SAMHD1: variants seen among roughly 807,000 people sequenced by gnomAD.
The protein encoded by SAMHD1 is deoxynucleoside triphosphate triphosphohydrolase SAMHD1.
SAMHD1 carries 54 observed loss-of-function variants against 79.6 expected under a neutral mutation model. The ratio of observed to expected loss-of-function variants is 0.68; its 90% CI spans 0.55 to 0.85. SAMHD1 has a LOEUF of 0.85. Among genes scored for constraint, SAMHD1 ranks in the 40% least tolerant of loss-of-function variants. SAMHD1 has a pLI of 0.00. For synonymous variants in SAMHD1, 260 were observed against 264.1 expected, an observed-to-expected ratio of 0.98 and a Z score of 0.15; for missense variants, 663 against 782.7, an observed-to-expected ratio of 0.85 and a Z score of 1.82.
intron 12 of SAMHD1, 147 bp from the exon 13 acceptor site, chr20:36,904,396 G>A (rs1187778384): frequency 1.3e-5 from 9 of 686,570 alleles, no homozygotes; most frequent in Non-Finnish European, 1.9e-5. Context: ...AATGTCACTC[G>A]TTAAACAAAG....
chr20:36,902,267 C>T (rs767043420), intron 13 of SAMHD1, among the ~76,000 whole-genome samples: 10 of 151,720 alleles, frequency 6.6e-5, no homozygotes, highest in Admixed American at 2.0e-4. Context: ...CTGCAACCTC[C>T]GCCTCCCAGG....
chr20:36,946,734 T>C lies in SAMHD1; in HGVS notation c.275+4A>G. On this transcript the variant is annotated splice_donor_region_variant and intron_variant, in intron 2 of 15. Transcript: ENST00000646673. The stretch of plus-strand genomic sequence containing the variant: ...ATAACGTGAATTTATTTCTTCATTC[T>C]TACCTTACTCCAAGATTTTCAAAAC... 1 of 1,608,358 alleles carries C rather than the reference T, an allele frequency of 6.2e-7. No individual in the cohort carries two copies. Among genetic ancestry groups the C allele is most frequent in the South Asian group, 1.1e-5 (1 of 90,634 alleles).
rs934579057 is a variant in SAMHD1 at position 36,892,577 on chromosome 20, G to A, written c.*355C>T. 2.2e-5 allele frequency: 7 copies of A among 315,964 alleles called. No homozygotes were observed. Among genetic ancestry groups the A allele is most frequent in the Non-Finnish European group, 3.6e-5 (6 of 165,362 alleles). 19.6% of individuals were successfully genotyped at this position (315,964 alleles called of 1,614,324 possible). A position where few individuals can be genotyped will look rare whatever the true frequency, so the allele number is the denominator to read the frequency against. On this transcript the variant is annotated 3_prime_UTR_variant, in exon 16 of 16. Transcript: ENST00000646673. ...GGGCTGAGGCAGGAGGGTCGCTTGA[G>A]CCCAGGAAAGTTCGAGTCCAAGCTG...
At chr20:36,906,878 A>G (rs996907432) in intron 11 of SAMHD1, among the ~76,000 whole-genome samples, 2 of 150,648 alleles carry the variant, frequency 1.3e-5, no homozygotes, top group African/African-American at 4.9e-5. Flanking sequence ...TGCAACCTCT[A>G]CCTCCTAGGT....
At position 36,905,420 on chromosome 20, in the gene SAMHD1, T is replaced by A; in HGVS notation, c.1354A>T (p.Asn452Tyr). The change falls in exon 12 of 16, where the codon AAT (asparagine) becomes TAT (tyrosine). Residue 452 changes from asparagine to tyrosine, a missense_variant. Physicochemically the swap from Asn to Tyr is moderately radical, Grantham distance 143 (BLOSUM62 -2). Coordinates refer to ENST00000646673, the MANE Select transcript of SAMHD1 (RefSeq NM_015474.4). Reference sequence around the variant, plus strand: ...GTCTCACCCACATACTTGAATAGATTACGGTATTCAATTTGTTTTAAAATC... The same window carrying A: ...GTCTCACCCACATACTTGAATAGATAACGGTATTCAATTTGTTTTAAAATC... ...REILKQIEYR[N>Y]LFKYVGETQP... The A allele has an allele frequency of 6.2e-7, 1 of 1,613,948 alleles. No individual in the cohort carries two copies. The highest frequency in any genetic ancestry group is 8.5e-7 in the Non-Finnish European group (1 of 1,179,854).
rs567528233 is a variant in SAMHD1 at position 36,910,318 on chromosome 20, A to G, written c.1270+900T>C. Among the ~76,000 whole-genome samples, 211 of 151,936 alleles carry G rather than the reference A, an allele frequency of 1.4e-3. 1 individual carries two copies. Among genetic ancestry groups the G allele is most frequent in the Non-Finnish European group, 2.3e-3 (157 of 67,962 alleles). On this transcript the variant is annotated intron_variant, in intron 11 of 15. Transcript: ENST00000646673. ...TGGCTGAGGCTGAGGCAAGAGGATC[A>G]CTTGAGCTCCGGAGGTTGAGGCTGC... is the stretch of plus-strand genomic sequence containing the variant.
intron 15 of SAMHD1, among the ~76,000 whole-genome samples, chr20:36,895,828 TG>T (rs1990187386): frequency 2.0e-5 from 3 of 152,188 alleles, no homozygotes; most frequent in South Asian, 4.1e-4. Context: ...TTCAACCAAC[TG>T]TAGATAGAAA....
intron 6 of SAMHD1, among the ~76,000 whole-genome samples, chr20:36,926,308 G>A (rs1291827331): frequency 1.3e-5 from 2 of 152,114 alleles, no homozygotes; most frequent in African/African-American, 2.4e-5. Context: ...CCATTATGTT[G>A]AGTAAATAAA....
chr20:36,946,140 G>A (rs2063684394), intron 2 of SAMHD1, among the ~76,000 whole-genome samples: 1 of 151,820 alleles, frequency 6.6e-6, no homozygotes, highest in South Asian at 2.1e-4. Flanking sequence ...AAAATCAGTG[G>A]GGCAGCCGGG....
chr20:36,940,758 AAAT>A (rs1359127592), intron 3 of SAMHD1: 2 of 481,124 alleles, frequency 4.2e-6, no homozygotes, highest in East Asian at 7.8e-5. Flanking sequence ...TTTGCTCTAA[AAAT>A]AACAGACTTG....
At chr20:36,900,794 G>A (rs112931105) in intron 13 of SAMHD1, among the ~76,000 whole-genome samples, 4 of 145,822 alleles carry the variant, frequency 2.7e-5, no homozygotes, top group East Asian at 2.1e-4. Flanking sequence ...GGATGGTCTC[G>A]ATCTCCTGAC....
intron 3 of SAMHD1, chr20:36,940,214 G>GGAA (rs2063633627): frequency 1.3e-5 from 1 of 75,264 alleles, no homozygotes; most frequent in Non-Finnish European, 2.7e-5. Flanking sequence ...CTCAAAAAGA[G>GGAA]GAAAAAAAAA....
chr20:36,902,983 C>A (rs1427444469), intron 13 of SAMHD1, among the ~76,000 whole-genome samples: 1 of 151,794 alleles, frequency 6.6e-6, no homozygotes, highest in African/African-American at 2.4e-5. Flanking sequence ...AAGTGATTCA[C>A]TCGCCTTGGC....
At chr20:36,916,145 A>G (rs1268873796) in intron 9 of SAMHD1, among the ~76,000 whole-genome samples, 4 of 151,934 alleles carry the variant, frequency 2.6e-5, no homozygotes, top group East Asian at 3.9e-4. Context: ...TGGGTGACTG[A>G]GCGAGACTCC....
chr20:36,935,297 A>C, intron 3 of SAMHD1, 108 bp from the exon 4 acceptor site: 1 of 884,030 alleles, frequency 1.1e-6, no homozygotes, highest in Non-Finnish European at 1.8e-6. Context: ...TTGATTTTTC[A>C]AGTAAAAATA....
intron 2 of SAMHD1, among the ~76,000 whole-genome samples, chr20:36,944,875 C>T (rs764857319): frequency 2.6e-5 from 4 of 152,070 alleles, no homozygotes; most frequent in African/African-American, 7.2e-5. Flanking sequence ...GCCTGGGCAA[C>T]AAAAGCAAAA....
intron 4 of SAMHD1, chr20:36,934,713 G>A (rs564400719): frequency 2.3e-4 from 49 of 210,850 alleles, no homozygotes; most frequent in Admixed American, 4.1e-4. Context: ...GCTGGAGTGC[G>A]ATGGTGCAAT....
At position 36,930,201 on chromosome 20, in the gene SAMHD1, T is replaced by C. The variant is rs567556531; in HGVS notation, c.625+559A>G. 7.9e-5 allele frequency among the ~76,000 whole-genome samples: 12 copies of C among 151,762 alleles called. 1 individual carries two copies. In the South Asian group the frequency reaches 2.3e-3, roughly 29 times the overall value. On this transcript the variant is annotated intron_variant, in intron 5 of 15. Coordinates refer to ENST00000646673, the MANE Select transcript of SAMHD1 (RefSeq NM_015474.4). ...GCAAAAAGCCCTTTCATATAACCTG[T>C]AGTAAACATGATGGCCGGGCACGGT... is the stretch of plus-strand genomic sequence containing the variant.
chr20:36,937,541 T>C (rs1568780584), intron 3 of SAMHD1, among the ~76,000 whole-genome samples: 1 of 152,218 alleles, frequency 6.6e-6, no homozygotes. Context: ...TTGTGTGTGA[T>C]TGAACAACAC....
Sources: allele counts gnomAD v4.1 joint callset (sites outside exome capture counted in the v4.1 genomes callset), GRCh38; gene constraint gnomAD v4.1.1; transcripts MANE v1.5; gene names NCBI Gene and HGNC (gene_info 2026-07-23, HGNC 2026-07-21).